ERC1: variants seen among roughly 807,000 people sequenced by gnomAD.
ERC1 encodes the protein ELKS/RAB6-interacting/CAST family member 1.
In ERC1, 56 loss-of-function variants were observed where a neutral mutation model predicts 132.0. That is an observed-to-expected ratio of 0.42 (90% CI 0.34 to 0.53). ERC1 has a LOEUF of 0.53. Ranked by LOEUF, ERC1 falls within the 20% of genes least tolerant of loss-of-function variation. The pLI is 0.03. For synonymous variants in ERC1, 478 were observed against 476.1 expected, an observed-to-expected ratio of 1.00 and a Z score of -0.05; for missense variants, 1,202 against 1,349.9, an observed-to-expected ratio of 0.89 and a Z score of 1.72.
At chr12:1,315,327 A>G (rs1188051554) in intron 15 of ERC1, among the ~76,000 whole-genome samples, 1 of 151,306 alleles carries the variant, frequency 6.6e-6, no homozygotes, top group Non-Finnish European at 1.5e-5. Flanking sequence ...CATATTCAGA[A>G]GTTTTCTACA....
intron 15 of ERC1, among the ~76,000 whole-genome samples, chr12:1,323,633 G>A (rs73034954): frequency 0.035 from 5,264 of 152,150 alleles, 96 homozygotes; most frequent in Middle Eastern, 0.075. Context: ...CCTAGAGTTC[G>A]TTTTCTCATT....
intron 17 of ERC1, among the ~76,000 whole-genome samples, chr12:1,420,850 G>A (rs1262417503): frequency 1.3e-5 from 2 of 148,890 alleles, no homozygotes; most frequent in African/African-American, 2.5e-5. Flanking sequence ...TGTGTGGAGT[G>A]CAAGGGTGTG....
chr12:1,283,046 A>G (rs2078793450), intron 14 of ERC1, among the ~76,000 whole-genome samples: 2 of 152,202 alleles, frequency 1.3e-5, no homozygotes, highest in African/African-American at 4.8e-5. Flanking sequence ...GGGCTTTGCC[A>G]GCCTCTGAAG....
intron 18 of ERC1, among the ~76,000 whole-genome samples, chr12:1,447,298 C>T (rs2093327413): frequency 6.6e-6 from 1 of 150,400 alleles, no homozygotes; most frequent in Non-Finnish European, 1.5e-5. Context: ...TGGGAGAATC[C>T]CTTGAGCCCA....
intron 8 of ERC1, among the ~76,000 whole-genome samples, chr12:1,178,239 C>T (rs1314029158): frequency 1.3e-5 from 2 of 152,142 alleles, no homozygotes; most frequent in African/African-American, 2.4e-5. Flanking sequence ...TAAGAAACTA[C>T]CTGACAATTG....
chr12:1,353,188 A>G (rs534115193), intron 15 of ERC1, among the ~76,000 whole-genome samples: 2 of 151,162 alleles, frequency 1.3e-5, no homozygotes, highest in Admixed American at 6.6e-5. Context: ...CCGCCACCAC[A>G]CCCAGCTAAT....
At chr12:1,487,666 G>T (rs1190283533) in intron 18 of ERC1, among the ~76,000 whole-genome samples, 1 of 151,648 alleles carries the variant, frequency 6.6e-6, no homozygotes, top group Non-Finnish European at 1.5e-5. Flanking sequence ...GCCACAGTGA[G>T]CCTGATCAAA....
chr12:1,144,654 A>G (rs1396512743), intron 8 of ERC1, among the ~76,000 whole-genome samples: 1 of 150,376 alleles, frequency 6.6e-6, no homozygotes, highest in Non-Finnish European at 1.5e-5. Context: ...ATATACGTAT[A>G]TATATATATA....
At position 1,040,036 on chromosome 12, in the gene ERC1, A is replaced by AT. The variant is rs956525189; in HGVS notation, c.669+11471dup. On this transcript the variant is annotated intron_variant, in intron 2 of 18. Transcript: ENST00000360905. ...TTATTAAAGTTAATACTGATTTATGATTTTTTTACAAACTTCTACTATTAG... is the reference window on the plus strand; with the variant it reads ...TTATTAAAGTTAATACTGATTTATGATTTTTTTTACAAACTTCTACTATTAG... 3.2e-4 allele frequency among the ~76,000 whole-genome samples: 49 copies of AT among 152,118 alleles called. 1 individual carries two copies. Among genetic ancestry groups the AT allele is most frequent in the African/African-American group, 8.2e-4 (34 of 41,426 alleles).
At chr12:1,418,625 TTCTTTCTTTCTTTCTTTCTCTC>T (rs1366011868) in intron 17 of ERC1, among the ~76,000 whole-genome samples, 7 of 114,858 alleles carry the variant, frequency 6.1e-5, no homozygotes, top group African/African-American at 3.4e-4. Context: ...CTTTCTTTCT[TTCTTTCTTTCTTTCTTTCTCTC>T]TCTCTCTCTC....
intron 15 of ERC1, among the ~76,000 whole-genome samples, chr12:1,364,924 C>T (rs998720038): frequency 6.6e-6 from 1 of 152,050 alleles, no homozygotes; most frequent in Non-Finnish European, 1.5e-5. Context: ...CTAGATGTTC[C>T]TTTTATAAAC....
At chr12:1,323,207 T>G (rs937757871) in intron 15 of ERC1, among the ~76,000 whole-genome samples, 1 of 152,152 alleles carries the variant, frequency 6.6e-6, no homozygotes, top group African/African-American at 2.4e-5. Context: ...AATTCTAATT[T>G]TAATGTCAAC....
At chr12:1,041,710 AG>A (rs905523262) in intron 2 of ERC1, among the ~76,000 whole-genome samples, 2 of 152,238 alleles carry the variant, frequency 1.3e-5, no homozygotes, top group African/African-American at 4.8e-5. Context: ...TTCTTGGTCA[AG>A]GGTTAGGAAG....
At chr12:1,358,139 G>T (rs1282493785) in intron 15 of ERC1, among the ~76,000 whole-genome samples, 2 of 150,546 alleles carry the variant, frequency 1.3e-5, no homozygotes, top group African/African-American at 4.9e-5. Flanking sequence ...GCAGTTTGAG[G>T]CTACAGTGAG....
intron 15 of ERC1, among the ~76,000 whole-genome samples, chr12:1,358,476 G>C (rs1315174400): frequency 6.6e-6 from 1 of 152,130 alleles, no homozygotes; most frequent in Non-Finnish European, 1.5e-5. Context: ...AGGATGTAGG[G>C]AATCAGAGGT....
chr12:995,158 G>A (rs886782586), intron 1 of ERC1, among the ~76,000 whole-genome samples: 2 of 151,902 alleles, frequency 1.3e-5, no homozygotes, highest in Non-Finnish European at 2.9e-5. Flanking sequence ...TCAGGAGACT[G>A]AGGCAGGAGG....
intron 12 of ERC1, among the ~76,000 whole-genome samples, chr12:1,226,674 T>G (rs970496489): frequency 6.6e-6 from 1 of 152,154 alleles, no homozygotes; most frequent in Non-Finnish European, 1.5e-5. Flanking sequence ...CAAGTGGCAG[T>G]ATTTCCCTTT....
intron 8 of ERC1, among the ~76,000 whole-genome samples, chr12:1,162,424 C>T (rs1317916303): frequency 1.3e-5 from 2 of 151,446 alleles, no homozygotes; most frequent in Admixed American, 6.6e-5. Flanking sequence ...ATCAACATTC[C>T]CTTCCATGCT....
At chr12:991,040 C>T (rs1403801639), upstream of ERC1, 1 of 152,014 alleles carries the variant, frequency 6.6e-6, no homozygotes, top group Non-Finnish European at 1.5e-5. Flanking sequence ...CCCCGCTTCC[C>T]AGTTCCTCAC....
Sources: allele counts gnomAD v4.1 joint callset (sites outside exome capture counted in the v4.1 genomes callset), GRCh38; gene constraint gnomAD v4.1.1; transcripts MANE v1.5; gene names NCBI Gene and HGNC (gene_info 2026-07-23, HGNC 2026-07-21).